The following DLG2 variants were observed in gnomAD, a reference collection of about 807,000 sequenced individuals.
DLG2 encodes the protein discs large MAGUK scaffold protein 2.
DLG2 carries 45 observed loss-of-function variants against 132.5 expected under a neutral mutation model. That is an observed-to-expected ratio of 0.34 (90% confidence interval 0.27 to 0.44). The LOEUF (loss-of-function observed/expected upper bound fraction) is 0.44, where lower values mean the gene tolerates loss of function less well. Ranked by LOEUF, DLG2 falls within the 20% of genes least tolerant of loss-of-function variation. The probability of loss-of-function intolerance (pLI) is 1.00; values close to 1 mark genes in which losing one functional copy is unlikely to be tolerated. For synonymous variants in DLG2, 424 were observed against 419.6 expected, an observed-to-expected ratio of 1.01 and a Z score of -0.13; for missense variants, 1,045 against 1,196.9, an observed-to-expected ratio of 0.87 and a Z score of 1.87.
At chr11:84,798,748 T>A (rs373949108) in intron 6 of DLG2, among the ~76,000 whole-genome samples, 4 of 152,156 alleles carry the variant, frequency 2.6e-5, no homozygotes, top group African/African-American at 9.7e-5. Flanking sequence ...GCTATTACTG[T>A]TGGTTATTCA....
At chr11:84,290,204 A>C (rs1393241973) in intron 7 of DLG2, among the ~76,000 whole-genome samples, 1 of 152,164 alleles carries the variant, frequency 6.6e-6, no homozygotes. Context: ...TCTCAGGGAC[A>C]GGAGGGACAG....
At chr11:83,663,147 T>G (rs998084841) in intron 18 of DLG2, among the ~76,000 whole-genome samples, 1 of 152,350 alleles carries the variant, frequency 6.6e-6, no homozygotes, top group Middle Eastern at 3.4e-3. Context: ...TGTTAAATAA[T>G]TGAGTAAACA....
At chr11:85,503,795 G>C (rs1004264408) in intron 3 of DLG2, among the ~76,000 whole-genome samples, 1 of 152,020 alleles carries the variant, frequency 6.6e-6, no homozygotes, top group African/African-American at 2.4e-5. Context: ...AGTTGGGCAT[G>C]GTGGCACACA....
intron 4 of DLG2, among the ~76,000 whole-genome samples, chr11:85,248,893 G>C (rs1471764626): frequency 6.6e-6 from 1 of 152,066 alleles, no homozygotes; most frequent in Non-Finnish European, 1.5e-5. Context: ...GGAATCTTTT[G>C]ACTAGGGGAC....
chr11:83,870,923 A>T (rs1375136390), intron 16 of DLG2, among the ~76,000 whole-genome samples: 1 of 152,206 alleles, frequency 6.6e-6, no homozygotes, highest in South Asian at 2.1e-4. Context: ...AGGAAATGTC[A>T]TTCTAATAGA....
chr11:85,087,844 C>CAAAAAAAAAAAAAAA (rs71465019), intron 6 of DLG2, among the ~76,000 whole-genome samples: 43 of 22,042 alleles, frequency 2.0e-3, no homozygotes, highest in Non-Finnish European at 3.7e-3. Context: ...GACTCCGTCT[C>CAAAAAAAAAAAAAAA]AAAAAAAAAA....
intron 8 of DLG2, among the ~76,000 whole-genome samples, chr11:84,232,184 CAT>C (rs2097102712): frequency 1.3e-5 from 2 of 152,152 alleles, no homozygotes; most frequent in African/African-American, 4.8e-5. Context: ...AGATCTTTGC[CAT>C]ACTATCTTTC....
At chr11:84,864,274 G>C (rs1172722760) in intron 6 of DLG2, among the ~76,000 whole-genome samples, 1 of 152,154 alleles carries the variant, frequency 6.6e-6, no homozygotes, top group African/African-American at 2.4e-5. Flanking sequence ...ATTTATTAAT[G>C]TTCTCAGATA....
intron 9 of DLG2, among the ~76,000 whole-genome samples, chr11:84,131,721 A>G (rs534757190): frequency 6.6e-6 from 1 of 152,058 alleles, no homozygotes; most frequent in South Asian, 2.1e-4. Flanking sequence ...AGAGCAAGAA[A>G]TCAGGAAACA....
intron 9 of DLG2, among the ~76,000 whole-genome samples, chr11:84,138,058 T>C (rs11233925): frequency 0.074 from 11,328 of 152,180 alleles, 495 homozygotes; most frequent in African/African-American, 0.11. Context: ...ACTGAAACCA[T>C]AGAGCAAGTG....
At chr11:83,774,351 A>T (rs1594124382) in intron 18 of DLG2, among the ~76,000 whole-genome samples, 2 of 152,178 alleles carry the variant, frequency 1.3e-5, no homozygotes, top group African/African-American at 4.8e-5. Flanking sequence ...ATTATCGCTT[A>T]TGGAGGACAT....
At chr11:85,516,422 C>T (rs1262400308) in intron 3 of DLG2, among the ~76,000 whole-genome samples, 3 of 151,592 alleles carry the variant, frequency 2.0e-5, no homozygotes, top group Admixed American at 1.3e-4. Context: ...CTGCAACTAG[C>T]AGAAGGAAAA....
chr11:83,956,953 C>T (rs1209479077), intron 14 of DLG2, among the ~76,000 whole-genome samples: 1 of 152,090 alleles, frequency 6.6e-6, no homozygotes, highest in African/African-American at 2.4e-5. Context: ...TGGTATTTGC[C>T]AGGGATTACT....
At chr11:83,764,297 C>T (rs183029146) in intron 18 of DLG2, among the ~76,000 whole-genome samples, 2 of 152,232 alleles carry the variant, frequency 1.3e-5, no homozygotes, top group Non-Finnish European at 2.9e-5. Flanking sequence ...TCCTACCCTA[C>T]CACTCCCAGC....
intron 10 of DLG2, among the ~76,000 whole-genome samples, chr11:84,067,426 T>C (rs936363325): frequency 2.0e-5 from 3 of 152,138 alleles, no homozygotes; most frequent in African/African-American, 4.8e-5. Context: ...ACAGAAGTTA[T>C]GAAAAGGGTC....
In DLG2 at chr11:84,668,578, T is replaced by C. The variant is rs2099702331; in HGVS notation, c.358-133847A>G. Among the ~76,000 whole-genome samples the C allele has an allele frequency of 2.0e-5, 3 of 152,178 alleles. No individual in the cohort carries two copies. The South Asian group carries it at 6.2e-4, about 31-fold the overall frequency. On this transcript the variant is annotated intron_variant, in intron 6 of 27. Transcript: ENST00000376104. The stretch of plus-strand genomic sequence containing the variant: ...CTGCAGTTGATTCCTTCAAGCTACA[T>C]CTATTGAACGCTTGGATGGCATAAA...
intron 6 of DLG2, among the ~76,000 whole-genome samples, chr11:84,871,937 A>T (rs2085534932): frequency 6.6e-6 from 1 of 152,186 alleles, no homozygotes; most frequent in Non-Finnish European, 1.5e-5. Flanking sequence ...TGCCTCCAGC[A>T]GTGCTGGGAT....
At chr11:84,671,029 G>A (rs2099705285) in intron 6 of DLG2, among the ~76,000 whole-genome samples, 2 of 151,864 alleles carry the variant, frequency 1.3e-5, no homozygotes, top group African/African-American at 4.8e-5. Context: ...GGGGTAAGAA[G>A]ACAAGGGTTA....
chr11:85,286,432 C>A (rs2078562662), intron 3 of DLG2, among the ~76,000 whole-genome samples: 1 of 152,026 alleles, frequency 6.6e-6, no homozygotes, highest in African/African-American at 2.4e-5. Flanking sequence ...ATCAGTTATA[C>A]ACACATATAT....
Sources: gnomAD v4.1 joint callset for allele counts (sites outside exome capture counted in the v4.1 genomes callset) on GRCh38, gnomAD v4.1.1 for gene constraint, MANE v1.5 for transcripts, NCBI Gene and HGNC (gene_info 2026-07-23, HGNC 2026-07-21) for gene names.